KCNJ3: variants seen among roughly 807,000 people sequenced by gnomAD.
KCNJ3 encodes potassium inwardly rectifying channel subfamily J member 3, also known as G protein-activated inward rectifier potassium channel 1.
Under a neutral mutation model 39.2 loss-of-function variants are expected in KCNJ3, and 4 were observed. The ratio of observed to expected loss-of-function variants is 0.10; its 90% CI spans 0.05 to 0.23. The LOEUF is 0.23. Among genes scored for constraint, KCNJ3 ranks in the 10% least tolerant of loss-of-function variants. The probability of loss-of-function intolerance (pLI) is 1.00; values close to 1 mark genes in which losing one functional copy is unlikely to be tolerated. For missense variants in KCNJ3, 276 were observed against 634.9 expected (o/e 0.43, Z 6.08); for synonymous variants, 230 against 237.4 (o/e 0.97, Z 0.29).
At chr2:154,834,578 T>C (rs1429571414) in intron 2 of KCNJ3, among the ~76,000 whole-genome samples, 1 of 151,430 alleles carries the variant, frequency 6.6e-6, no homozygotes, top group East Asian at 1.9e-4. Flanking sequence ...AAATACAAAA[T>C]ATTAGCCAAG....
At chr2:154,709,976 C>A in intron 2 of KCNJ3, 157 bp downstream of exon 2, 1 of 888,564 alleles carries the variant, frequency 1.1e-6, no homozygotes, top group Non-Finnish European at 1.7e-6. Context: ...AAATTGATAC[C>A]ATTTTGAAAA....
At chr2:154,763,678 A>G (rs951195386) in intron 2 of KCNJ3, among the ~76,000 whole-genome samples, 2 of 152,122 alleles carry the variant, frequency 1.3e-5, no homozygotes, top group Non-Finnish European at 2.9e-5. Context: ...GGGAAGTATG[A>G]TATGGTAGGA....
chr2:154,768,368 G>A (rs1467825193), intron 2 of KCNJ3, among the ~76,000 whole-genome samples: 1 of 152,134 alleles, frequency 6.6e-6, no homozygotes, highest in Non-Finnish European at 1.5e-5. Flanking sequence ...TTTGTATAAG[G>A]TGTAAGGAAG....
rs1685023995 is a variant in KCNJ3, at chr2:154,707,143, A to G, written c.703-2460A>G. Among the ~76,000 whole-genome samples the G allele has an allele frequency of 2.0e-5, 3 of 152,130 alleles. No individual in the cohort carries two copies. In the South Asian group the frequency reaches 6.2e-4, roughly 31 times the overall value. On this transcript the variant is annotated intron_variant, in intron 1 of 2. Coordinates refer to ENST00000295101, the MANE Select transcript of KCNJ3 (RefSeq NM_002239.4). ...CGTAAAGAATTCAATACATATGTAAAGAATTTCACTTATCTGAAAAATATA... is the reference window on the plus strand; with the variant it reads ...CGTAAAGAATTCAATACATATGTAAGGAATTTCACTTATCTGAAAAATATA...
At chr2:154,816,638 T>C (rs1197369927) in intron 2 of KCNJ3, among the ~76,000 whole-genome samples, 1 of 152,218 alleles carries the variant, frequency 6.6e-6, no homozygotes, top group Non-Finnish European at 1.5e-5. Flanking sequence ...TGGTAGGCTC[T>C]ATCTTTATAA....
intron 2 of KCNJ3, among the ~76,000 whole-genome samples, chr2:154,812,307 CACTT>C (rs1234305278): frequency 6.6e-6 from 1 of 152,036 alleles, no homozygotes; most frequent in African/African-American, 2.4e-5. Context: ...ACCAAGCAGA[CACTT>C]ATATAATCAA....
intron 2 of KCNJ3, among the ~76,000 whole-genome samples, chr2:154,719,222 A>G (rs1370105673): frequency 6.6e-6 from 1 of 152,192 alleles, no homozygotes; most frequent in African/African-American, 2.4e-5. Flanking sequence ...AAAGCACTAA[A>G]GTATAGGACT....
chr2:154,775,078 G>A (rs1008584444), intron 2 of KCNJ3, among the ~76,000 whole-genome samples: 8 of 151,966 alleles, frequency 5.3e-5, no homozygotes, highest in African/African-American at 1.9e-4. Context: ...CACCATGCCC[G>A]ACTAATTTTT....
At chr2:154,726,773 C>T (rs1685364099) in intron 2 of KCNJ3, among the ~76,000 whole-genome samples, 1 of 143,698 alleles carries the variant, frequency 7.0e-6, no homozygotes. Context: ...TACACACACA[C>T]ACACACATAC....
intron 2 of KCNJ3, among the ~76,000 whole-genome samples, chr2:154,831,983 A>C (rs1047838484): frequency 6.6e-6 from 1 of 152,160 alleles, no homozygotes; most frequent in Non-Finnish European, 1.5e-5. Flanking sequence ...GTGTGTGCAG[A>C]AAACACAGAG....
At chr2:154,775,403 C>T (rs1240213395) in intron 2 of KCNJ3, among the ~76,000 whole-genome samples, 1 of 152,068 alleles carries the variant, frequency 6.6e-6, no homozygotes, top group African/African-American at 2.4e-5. Flanking sequence ...AGAGATTTTG[C>T]TAAACCACTC....
intron 2 of KCNJ3, among the ~76,000 whole-genome samples, chr2:154,842,017 T>A (rs1558888571): frequency 6.6e-6 from 1 of 152,198 alleles, no homozygotes; most frequent in Non-Finnish European, 1.5e-5. Context: ...TCTCTAGTTC[T>A]TTTAATTCTG....
chr2:154,796,833 C>T (rs1358702051), intron 2 of KCNJ3, among the ~76,000 whole-genome samples: 1 of 152,094 alleles, frequency 6.6e-6, no homozygotes, highest in Admixed American at 6.6e-5. Flanking sequence ...CTGTATCATT[C>T]AATTTTATAA....
At chr2:154,710,174 G>C (rs1412665107) in intron 2 of KCNJ3, among the ~76,000 whole-genome samples, 1 of 152,086 alleles carries the variant, frequency 6.6e-6, no homozygotes, top group Non-Finnish European at 1.5e-5. Context: ...TTATTGAGCA[G>C]CCTGAAATCA....
chr2:154,855,371 C>A lies in KCNJ3; in HGVS notation c.*58C>A. 1 of 1,167,844 alleles carries A rather than the reference C, an allele frequency of 8.6e-7. No individual in the cohort carries two copies. The highest frequency in any genetic ancestry group is 1.2e-6 in the Non-Finnish European group (1 of 834,114). The allele number at this position is 1,167,844 out of a possible 1,614,324, so 72.3% of individuals were successfully genotyped here. A position where few individuals can be genotyped will look rare whatever the true frequency, so the allele number is the denominator to read the frequency against. ...GATTTAGTAATAGTCCAATATTTGG[C>A]GATGAGGTAATTCTCCCTAAGGAAT... is the stretch of plus-strand genomic sequence containing the variant. On this transcript the variant is annotated 3_prime_UTR_variant, in exon 3 of 3. Coordinates refer to ENST00000295101, the MANE Select transcript of KCNJ3 (RefSeq NM_002239.4).
In KCNJ3 at chr2:154,801,946, A is replaced by C. The variant is rs142408271; in HGVS notation, c.920-52781A>C. 6.4e-3 allele frequency among the ~76,000 whole-genome samples: 972 copies of C among 152,202 alleles called. 6 individuals are homozygous for C. Among genetic ancestry groups the C allele is most frequent in the African/African-American group, 0.011 (474 of 41,528 alleles). ...CTGGTCTTCCTACTTTCTTATTACA[A>C]CTAGAATTAAAACAAAACACAACAA... is the stretch of plus-strand genomic sequence containing the variant. On this transcript the variant is annotated intron_variant, in intron 2 of 2. Transcript: ENST00000295101.
At chr2:154,850,684 G>GAAAGT (rs1488297551) in intron 2 of KCNJ3, among the ~76,000 whole-genome samples, 1 of 152,146 alleles carries the variant, frequency 6.6e-6, no homozygotes, top group East Asian at 1.9e-4. Flanking sequence ...TACATCTAAT[G>GAAAGT]AAAGTAGGAC....
rs1234078179 is a variant in KCNJ3, at chr2:154,699,177, C to T, written c.402C>T (p.Phe134=). ...ATGTCTATAACTTCCCTTCTGCCTT[C>T]CTCTTCTTCATCGAGACGGAGGCCA... ...VANVYNFPSA[F]LFFIETEATI... The change falls in exon 1 of 3, where the codon TTC becomes TTT. Residue 134 remains phenylalanine (F), a synonymous_variant. Transcript: ENST00000295101. The surrounding 1 kb of genome is among the most constrained non-coding windows in gnomAD (Gnocchi z 6.4). The T allele has an allele frequency of 6.2e-7, 1 of 1,614,214 alleles. No individual in the cohort carries two copies. The highest frequency in any genetic ancestry group is 2.2e-5 in the East Asian group (1 of 44,862).
intron 2 of KCNJ3, among the ~76,000 whole-genome samples, chr2:154,720,337 A>G (rs1253996515): frequency 6.6e-6 from 1 of 152,034 alleles, no homozygotes; most frequent in East Asian, 1.9e-4. Flanking sequence ...GAGTAGCTCT[A>G]GTTCTGATCC....
Sources: allele counts gnomAD v4.1 joint callset (sites outside exome capture counted in the v4.1 genomes callset), GRCh38; gene constraint gnomAD v4.1.1; non-coding constraint Gnocchi (gnomAD v3.1); transcripts MANE v1.5; gene names NCBI Gene and HGNC (gene_info 2026-07-23, HGNC 2026-07-21).